KCNQ1: variants seen among roughly 807,000 people sequenced by gnomAD.
KCNQ1 encodes the protein potassium voltage-gated channel subfamily Q member 1, also known as potassium voltage-gated channel subfamily KQT member 1.
In KCNQ1, 49 loss-of-function variants were observed where a neutral mutation model predicts 72.4. The observed-to-expected ratio is 0.68, with a 90% CI of 0.54 to 0.86. The LOEUF is 0.86. KCNQ1 is among the 40% of genes least tolerant of loss of function. The pLI is 0.00. For synonymous variants in KCNQ1, 450 were observed against 412.6 expected (o/e 1.09, Z -1.10); for missense variants, 790 against 945.1 (o/e 0.84, Z 2.15).
chr11:2,733,858 C>CT (rs1424662505), intron 11 of KCNQ1, among the ~76,000 whole-genome samples: 6 of 12,856 alleles, frequency 4.7e-4, no homozygotes, highest in African/African-American at 2.3e-3. Flanking sequence ...TCTCTCTCTC[C>CT]CCCCCCACTT....
At chr11:2,522,277 G>A (rs1224374448) in intron 1 of KCNQ1, among the ~76,000 whole-genome samples, 1 of 152,148 alleles carries the variant, frequency 6.6e-6, no homozygotes, top group Non-Finnish European at 1.5e-5. Flanking sequence ...AGCTGGGGGG[G>A]GGTCGGTGTC....
chr11:2,503,430 A>G (rs1025985489), intron 1 of KCNQ1, among the ~76,000 whole-genome samples: 2 of 152,008 alleles, frequency 1.3e-5, no homozygotes, highest in Non-Finnish European at 2.9e-5. Flanking sequence ...TCAGCAAACT[A>G]TCGCAAGGAC....
intron 15 of KCNQ1, among the ~76,000 whole-genome samples, chr11:2,842,740 A>G (rs1848239081): frequency 6.6e-6 from 1 of 152,206 alleles, no homozygotes; most frequent in Non-Finnish European, 1.5e-5. Context: ...ACAGGCATAC[A>G]TGTGCAACTG....
At chr11:2,694,338 GGGGACATAT>G (rs1196411139) in intron 11 of KCNQ1, 2 of 398,570 alleles carry the variant, frequency 5.0e-6, no homozygotes, top group Non-Finnish European at 8.8e-6. Context: ...GTGCCCCCCA[GGGGACATAT>G]GGCAATGTCT....
At position 2,690,006 on chromosome 11, in the gene KCNQ1, G is replaced by A; in HGVS notation, c.1514+27925G>A. On this transcript the variant is annotated intron_variant, in intron 11 of 15. Transcript: ENST00000155840. The surrounding 1 kb of genome is among the most constrained non-coding windows in gnomAD (Gnocchi z 5.1). ...ACCTTTGCCCAAGCAGAGAACTGTTGAGGAAGGTGAGCCTTCCGAGGGCCA... is the reference window on the plus strand; with the variant it reads ...ACCTTTGCCCAAGCAGAGAACTGTTAAGGAAGGTGAGCCTTCCGAGGGCCA... The A allele has an allele frequency of 5.0e-6, 2 of 398,872 alleles. No homozygotes were observed. The highest frequency in any genetic ancestry group is 8.8e-6 in the Non-Finnish European group (2 of 226,260). 24.7% of individuals were successfully genotyped at this position (398,872 alleles called of 1,614,324 possible). A position where few individuals can be genotyped will look rare whatever the true frequency, so the allele number is the denominator to read the frequency against.
chr11:2,845,533 C>T (rs1848309288), intron 15 of KCNQ1, among the ~76,000 whole-genome samples: 1 of 152,228 alleles, frequency 6.6e-6, no homozygotes. Context: ...TCCTGCACCC[C>T]TTTCCTCCAT....
chr11:2,845,609 G>A (rs763664741), intron 15 of KCNQ1, among the ~76,000 whole-genome samples: 6 of 152,200 alleles, frequency 3.9e-5, no homozygotes, highest in African/African-American at 7.2e-5. Context: ...GGCCTGGACC[G>A]TCAGACCTCG....
rs899067916 is a variant in KCNQ1, at chr11:2,658,007, T to A, written c.1394-3954T>A. Reference sequence around the variant, plus strand: ...CCTCCACTGTAAGTGAATAGCTGTTTTTCCCTTTCCATAGCTTAGTCTTTA... The same window carrying A: ...CCTCCACTGTAAGTGAATAGCTGTTATTCCCTTTCCATAGCTTAGTCTTTA... On this transcript the variant is annotated intron_variant, in intron 10 of 15. Transcript: ENST00000155840. This position sits in a 1 kb window ranked among gnomAD's most constrained non-coding sequence, Gnocchi z 4.9. The A allele has an allele frequency of 1.8e-5, 7 of 398,502 alleles. No individual in the cohort carries two copies. Among genetic ancestry groups the A allele is most frequent in the African/African-American group, 6.2e-5 (3 of 48,634 alleles). 24.7% of individuals were successfully genotyped at this position (398,502 alleles called of 1,614,324 possible).
At chr11:2,805,353 G>A (rs1012258937) in intron 15 of KCNQ1, among the ~76,000 whole-genome samples, 3 of 152,186 alleles carry the variant, frequency 2.0e-5, no homozygotes, top group South Asian at 4.1e-4. Context: ...AGCCGACGAC[G>A]GAGAGGGACG....
At chr11:2,823,211 T>C (rs163183) in intron 15 of KCNQ1, among the ~76,000 whole-genome samples, 118,164 of 152,104 alleles carry the variant, frequency 0.78, 46,557 homozygotes, top group East Asian at 0.96. Context: ...AAGTAACAGG[T>C]GATTTTCCAA....
chr11:2,625,957 T>C (rs997911327), intron 10 of KCNQ1: 2 of 398,514 alleles, frequency 5.0e-6, no homozygotes, highest in Non-Finnish European at 8.8e-6. Context: ...TTATCAGGTA[T>C]GTGATTTGCA....
chr11:2,696,346 T>G (rs1308031992), intron 11 of KCNQ1: 1 of 398,506 alleles, frequency 2.5e-6, no homozygotes, highest in Non-Finnish European at 4.4e-6. Context: ...CTTTCCAACA[T>G]CATCTTCTGA....
At chr11:2,452,067 G>A (rs913891882) in intron 1 of KCNQ1, among the ~76,000 whole-genome samples, 3 of 152,206 alleles carry the variant, frequency 2.0e-5, no homozygotes, top group Non-Finnish European at 2.9e-5. Flanking sequence ...TCCTGGCAGC[G>A]GGTGAGCTAC....
Position 2,568,486 on chromosome 11 carries a change from C to T in KCNQ1, c.478-2142C>T, listed in dbSNP as rs959703148. Among the ~76,000 whole-genome samples, 5 of 152,262 alleles carry T rather than the reference C, an allele frequency of 3.3e-5. No homozygotes were observed. The East Asian group carries it at 5.8e-4, about 18-fold the overall frequency. On this transcript the variant is annotated intron_variant, in intron 2 of 15. Coordinates refer to ENST00000155840, the MANE Select transcript of KCNQ1 (RefSeq NM_000218.3). ...CCGGGGACTTGGAGCTCTGTGTTTC[C>T]GTGGCCTTTTTCACGATGACCAAAC...
At chr11:2,551,280 C>G (rs996937765) in intron 2 of KCNQ1, among the ~76,000 whole-genome samples, 6 of 152,272 alleles carry the variant, frequency 3.9e-5, no homozygotes, top group South Asian at 2.1e-4. Context: ...AGCCCCTCCC[C>G]GCACCTGGGA....
rs573360751 is a variant in KCNQ1 at position 2,704,729 on chromosome 11, C to T, written c.1514+42648C>T. 6.6e-6 allele frequency among the ~76,000 whole-genome samples: 1 copy of T among 152,156 alleles called. No homozygotes were observed. ...AGCATCTGTGGAGGTGTGAGAAGTG[C>T]CAGGCTGGGCTCCCTCAGGCGGCAA... On this transcript the variant is annotated intron_variant, in intron 11 of 15. Transcript: ENST00000155840. This position sits in a 1 kb window ranked among gnomAD's most constrained non-coding sequence, Gnocchi z 4.3.
Position 2,826,185 on chromosome 11 carries a change from G to T in KCNQ1, c.1795-21582G>T, listed in dbSNP as rs1414826051. Among the ~76,000 whole-genome samples, 3 of 152,224 alleles carry T rather than the reference G, an allele frequency of 2.0e-5. No individual in the cohort carries two copies. Among genetic ancestry groups the T allele is most frequent in the African/African-American group, 7.2e-5 (3 of 41,454 alleles). The stretch of plus-strand genomic sequence containing the variant: ...AGCCCGCAGCAGAACCTCTCCGAGG[G>T]AGTGCTATTGTTTTTCATGTCAGCT... On this transcript the variant is annotated intron_variant, in intron 15 of 15. Coordinates refer to ENST00000155840, the MANE Select transcript of KCNQ1 (RefSeq NM_000218.3). This position sits in a 1 kb window ranked among gnomAD's most constrained non-coding sequence, Gnocchi z 4.2.
chr11:2,669,334 A>C lies in KCNQ1; in HGVS notation c.1514+7253A>C, dbSNP rs529873454. ...GCCATGGAAAGCCTCCTCTAGGCGCAGCAGCCTCTAGATGGGCATGGGAGA... is the reference window on the plus strand; with the variant it reads ...GCCATGGAAAGCCTCCTCTAGGCGCCGCAGCCTCTAGATGGGCATGGGAGA... On this transcript the variant is annotated intron_variant, in intron 11 of 15. Coordinates refer to ENST00000155840, the MANE Select transcript of KCNQ1 (RefSeq NM_000218.3). The surrounding 1 kb of genome is among the most constrained non-coding windows in gnomAD (Gnocchi z 5.6). 2.8e-5 allele frequency: 11 copies of C among 398,648 alleles called. No homozygotes were observed. In the Admixed American group the frequency reaches 3.5e-4, roughly 13 times the overall value. 24.7% of individuals were successfully genotyped at this position (398,648 alleles called of 1,614,324 possible).
intron 6 of KCNQ1, among the ~76,000 whole-genome samples, chr11:2,582,738 C>A (rs1848519724): frequency 1.3e-5 from 2 of 152,196 alleles, no homozygotes; most frequent in South Asian, 4.1e-4. Context: ...AAGAACCCAG[C>A]AGGCAGCCTG....
Sources: allele counts gnomAD v4.1 joint callset (sites outside exome capture counted in the v4.1 genomes callset), GRCh38; gene constraint gnomAD v4.1.1; non-coding constraint Gnocchi (gnomAD v3.1); transcripts MANE v1.5; gene names NCBI Gene and HGNC (gene_info 2026-07-23, HGNC 2026-07-21).